Variants in ADARB1 observed in about 807,000 individuals in gnomAD.
The protein encoded by ADARB1 is double-stranded RNA-specific editase 1.
A neutral mutation model predicts 52.4 loss-of-function variants in ADARB1; 10 were observed. The ratio of observed to expected loss-of-function variants is 0.19; its 90% CI spans 0.12 to 0.32. ADARB1 has a LOEUF of 0.32. Among genes scored for constraint, ADARB1 ranks in the 10% least tolerant of loss-of-function variants. ADARB1 has a pLI of 1.00. For synonymous variants in ADARB1, 349 were observed against 371.1 expected (o/e 0.94, Z 0.68); for missense variants, 643 against 922.3 (o/e 0.70, Z 3.92).
intron 1 of ADARB1, chr21:45,121,108 G>A (rs1309051171): frequency 2.0e-5 from 3 of 152,132 alleles, no homozygotes; most frequent in Non-Finnish European, 2.9e-5. Context: ...TTTTACTACC[G>A]AGATTATACT....
chr21:45,225,324 G>A lies in ADARB1; in HGVS notation c.*3127G>A. On this transcript the variant is annotated 3_prime_UTR_variant, in exon 11 of 11. Transcript: ENST00000348831. ...TCCCAGCAAGGGACGCCAAAGAACT[G>A]CAGTTTTTATTCTGAGTCTTAATTT... is the stretch of plus-strand genomic sequence containing the variant. 1 of 1,216,634 alleles carries A rather than the reference G, an allele frequency of 8.2e-7. No homozygotes were observed. Among genetic ancestry groups the A allele is most frequent in the Non-Finnish European group, 1.0e-6 (1 of 978,438 alleles). The allele number at this position is 1,216,634 out of a possible 1,614,324, so 75.4% of individuals were successfully genotyped here. A position where few individuals can be genotyped will look rare whatever the true frequency, so the allele number is the denominator to read the frequency against.
rs2092703234 is a variant in ADARB1 at position 45,208,321 on chromosome 21, G to C, written c.1747+3585G>C. Among the ~76,000 whole-genome samples the C allele has an allele frequency of 6.6e-6, 1 of 152,308 alleles. No individual in the cohort carries two copies. The highest frequency in any genetic ancestry group is 1.9e-4 in the East Asian group (1 of 5,188). On this transcript the variant is annotated intron_variant, in intron 9 of 10. Coordinates refer to ENST00000348831, the MANE Select transcript of ADARB1 (RefSeq NM_001112.4). The surrounding 1 kb of genome is among the most constrained non-coding windows in gnomAD (Gnocchi z 5.6). ...TGCAGACAAGGCTTCCTATCCTGCT[G>C]GTTTTCATGTTGAATGTTGGCACGA...
At chr21:45,125,723 C>T (rs769170220) in intron 1 of ADARB1, among the ~76,000 whole-genome samples, 52 of 152,240 alleles carry the variant, frequency 3.4e-4, no homozygotes, top group Non-Finnish European at 7.2e-4. Flanking sequence ...CTTGTGTTCC[C>T]TTTCTGTGTT....
At chr21:45,084,293 G>A (rs2086258129) in intron 1 of ADARB1, among the ~76,000 whole-genome samples, 1 of 152,216 alleles carries the variant, frequency 6.6e-6, no homozygotes, top group African/African-American at 2.4e-5. Flanking sequence ...AATGGTAGGT[G>A]GTGCTACGTC....
chr21:45,130,432 C>T (rs1187520513), intron 2 of ADARB1, among the ~76,000 whole-genome samples: 1 of 152,206 alleles, frequency 6.6e-6, no homozygotes, highest in Non-Finnish European at 1.5e-5. Context: ...AATATTACGA[C>T]ATGATGAGTC....
At chr21:45,156,828 T>C (rs1011163405) in intron 2 of ADARB1, among the ~76,000 whole-genome samples, 2 of 152,148 alleles carry the variant, frequency 1.3e-5, no homozygotes, top group African/African-American at 4.8e-5. Flanking sequence ...GCTTGAGGTT[T>C]GTTCTGGAAT....
intron 4 of ADARB1, 88 bp from the exon 5 acceptor site, chr21:45,180,242 A>G (rs943898039): frequency 1.1e-6 from 1 of 925,464 alleles, no homozygotes; most frequent in Non-Finnish European, 1.7e-6. Context: ...GTGTCACTCC[A>G]TAAGGGAGAG....
rs1459059500 is a variant in ADARB1 at position 45,223,023 on chromosome 21, C to T, written c.*826C>T. ...ATAATACATGGCCAGTAATCCCAGG[C>T]TGGCCATTCATTCAGGTTTTTTAAA... On this transcript the variant is annotated 3_prime_UTR_variant, in exon 11 of 11. Transcript: ENST00000348831. 13 of 985,334 alleles carry T rather than the reference C, an allele frequency of 1.3e-5. No homozygotes were observed. Among genetic ancestry groups the T allele is most frequent in the African/African-American group, 1.7e-5 (1 of 57,238 alleles). 61.0% of individuals were successfully genotyped at this position (985,334 alleles called of 1,614,324 possible).
chr21:45,126,303 C>T (rs935561821), intron 1 of ADARB1, among the ~76,000 whole-genome samples: 1 of 152,138 alleles, frequency 6.6e-6, no homozygotes, highest in Non-Finnish European at 1.5e-5. Context: ...TTAGGAGCAG[C>T]GTCTTGCATG....
In ADARB1 at chr21:45,221,288, T is replaced by C. The variant is rs1203410292; in HGVS notation, c.1926+274T>C. On this transcript the variant is annotated intron_variant, in intron 10 of 10. Coordinates refer to ENST00000348831, the MANE Select transcript of ADARB1 (RefSeq NM_001112.4). This position sits in a 1 kb window ranked among gnomAD's most constrained non-coding sequence, Gnocchi z 4.9. ...TGTGTGTGGTGGAAACGTCTCTTAC[T>C]CTCAGATATTGAAAGTCATTATGCA... Among the ~76,000 whole-genome samples, 3 of 152,200 alleles carry C rather than the reference T, an allele frequency of 2.0e-5. No individual in the cohort carries two copies. Among genetic ancestry groups the C allele is most frequent in the African/African-American group, 7.2e-5 (3 of 41,462 alleles).
chr21:45,203,601 G>A (rs954973924), intron 8 of ADARB1, among the ~76,000 whole-genome samples: 2 of 152,196 alleles, frequency 1.3e-5, no homozygotes, highest in Non-Finnish European at 2.9e-5. Context: ...AGGCATGTGT[G>A]TGTTGGAGCT....
chr21:45,127,508 A>G (rs1243126990), intron 1 of ADARB1, among the ~76,000 whole-genome samples: 2 of 152,162 alleles, frequency 1.3e-5, no homozygotes, highest in East Asian at 3.9e-4. Context: ...TGTGTTGTAG[A>G]TGAATGTCAG....
intron 2 of ADARB1, among the ~76,000 whole-genome samples, chr21:45,132,891 A>G (rs763768702): frequency 1.3e-5 from 2 of 152,214 alleles, no homozygotes; most frequent in East Asian, 1.9e-4. Context: ...GACGAAGAAG[A>G]AAGAGAAGGG....
intron 8 of ADARB1, among the ~76,000 whole-genome samples, chr21:45,194,399 T>C (rs2092376016): frequency 6.6e-6 from 1 of 152,102 alleles, no homozygotes; most frequent in South Asian, 2.1e-4. Flanking sequence ...ACCAGAGTAG[T>C]TTCACTGCCC....
intron 9 of ADARB1, among the ~76,000 whole-genome samples, chr21:45,212,749 G>T (rs974921536): frequency 6.6e-6 from 1 of 152,050 alleles, no homozygotes; most frequent in African/African-American, 2.4e-5. Context: ...CCAGCTACTT[G>T]TATTGAATAA....
At chr21:45,132,623 G>T (rs925778628) in intron 2 of ADARB1, among the ~76,000 whole-genome samples, 4 of 152,188 alleles carry the variant, frequency 2.6e-5, no homozygotes, top group Non-Finnish European at 5.9e-5. Context: ...TGGGCTTAGG[G>T]GATGTGAGGG....
chr21:45,188,533 T>A (rs1334191773), intron 8 of ADARB1, among the ~76,000 whole-genome samples: 1 of 152,220 alleles, frequency 6.6e-6, no homozygotes, highest in African/African-American at 2.4e-5. Flanking sequence ...GCATGGAATA[T>A]ATTTTTCCAT....
intron 8 of ADARB1, among the ~76,000 whole-genome samples, chr21:45,192,781 A>G (rs1012656731): frequency 1.3e-5 from 2 of 152,206 alleles, no homozygotes; most frequent in African/African-American, 4.8e-5. Context: ...CAGATACTAA[A>G]AGGATTGTGA....
chr21:45,146,324 G>A (rs1242025333), intron 2 of ADARB1: 1 of 152,232 alleles, frequency 6.6e-6, no homozygotes, highest in Non-Finnish European at 1.5e-5. Context: ...GGTCTTTTAA[G>A]GTAAGAGTTA....
Sources: allele counts gnomAD v4.1 joint callset (sites outside exome capture counted in the v4.1 genomes callset), GRCh38; gene constraint gnomAD v4.1.1; non-coding constraint Gnocchi (gnomAD v3.1); transcripts MANE v1.5; gene names NCBI Gene and HGNC (gene_info 2026-07-23, HGNC 2026-07-21).